Variants in WDR90 observed in about 807,000 individuals in gnomAD.
WDR90 encodes WD repeat-containing protein 90.
A neutral mutation model predicts 195.2 loss-of-function variants in WDR90; 238 were observed. The observed-to-expected ratio is 1.22, with a 90% confidence interval of 1.10 to 1.36. WDR90 has a LOEUF of 1.36. Ranked by LOEUF, WDR90 falls within the 40% of genes most tolerant of loss-of-function variation. WDR90 has a pLI of 0.00. For synonymous variants in WDR90, 1,265 were observed against 1,052.4 expected (o/e 1.20, Z -3.91); for missense variants, 2,734 against 2,439.5 (o/e 1.12, Z -2.54).
chr16:652,587 G>C, intron 10 of WDR90, 52 bp downstream of exon 10: 1 of 1,548,678 alleles, frequency 6.5e-7, no homozygotes, highest in Non-Finnish European at 8.8e-7. Context: ...CGGCTCGAGC[G>C]CTGAGTACAG....
intron 4 of WDR90, 78 bp from the exon 5 acceptor site, chr16:650,461 C>G (rs555600461): frequency 1.3e-6 from 2 of 1,583,068 alleles, no homozygotes; most frequent in African/African-American, 1.3e-5. Flanking sequence ...GACAACCTGG[C>G]GGGGGCACAA....
rs537587974 is a variant in WDR90 at position 652,105 on chromosome 16, C to T, written c.1053+66C>T. On this transcript the variant is annotated intron_variant, in intron 9 of 40. Coordinates refer to ENST00000293879, the MANE Select transcript of WDR90 (RefSeq NM_145294.5). ...TGGGCTGGGGCAGCTGGTAGCCCGC[C>T]CCGAGATGCATTCAGAACGGATGTG... 4.6e-4 allele frequency: 689 copies of T among 1,489,444 alleles called. 14 individuals carry two copies. In the South Asian group the frequency reaches 8.1e-3, roughly 18 times the overall value. 92.3% of individuals were successfully genotyped at this position (1,489,444 alleles called of 1,614,324 possible).
intron 34 of WDR90, chr16:663,502 G>A (rs886161189): frequency 5.0e-6 from 1 of 200,306 alleles, no homozygotes; most frequent in African/African-American, 2.4e-5. Context: ...TGGCTTTGCT[G>A]ACTCAGTCTC....
At position 649,764 on chromosome 16, in the gene WDR90, G is replaced by C. The variant is rs994459521; in HGVS notation, c.12G>C (p.Ala4=). The C allele has an allele frequency of 3.2e-6, 5 of 1,556,134 alleles. No individual in the cohort carries two copies. Among genetic ancestry groups the C allele is most frequent in the Non-Finnish European group, 4.3e-6 (5 of 1,150,842 alleles). Residue 4 remains alanine (A), a splice_region_variant and synonymous_variant, in exon 2 of 41, where the codon GCG becomes GCC. Coordinates refer to ENST00000293879, the MANE Select transcript of WDR90 (RefSeq NM_145294.5). The part of the protein sequence containing the change: MAR[A]WQHPFLNVFR... Reference sequence around the variant, plus strand: ...ACGCCCGGCGCCCGCTCCCCGCAGCGTGGCAGCACCCGTTCCTCAACGTCT... The same window carrying C: ...ACGCCCGGCGCCCGCTCCCCGCAGCCTGGCAGCACCCGTTCCTCAACGTCT...
Position 665,242 on chromosome 16 carries a change from ACGGC to A in WDR90, c.4312-435_4312-432del, listed in dbSNP as rs1567223340. On this transcript the variant is annotated intron_variant, in intron 34 of 40. Coordinates refer to ENST00000293879, the MANE Select transcript of WDR90 (RefSeq NM_145294.5). ...TCAGTCTGCAGCCTGCTAGGGACGC[ACGGC>A]CACACTCCTGTCTTTCAGCCTCAGT... The A allele has an allele frequency of 6.7e-4, 232 of 345,304 alleles. 5 individuals carry two copies. Among genetic ancestry groups the A allele is most frequent in the African/African-American group, 4.8e-3 (220 of 46,174 alleles). 21.4% of individuals were successfully genotyped at this position (345,304 alleles called of 1,614,324 possible).
chr16:665,644 G>A lies in WDR90; in HGVS notation c.4312-35G>A, dbSNP rs773008496. The A allele has an allele frequency of 3.7e-6, 6 of 1,612,140 alleles. No individual in the cohort carries two copies. The South Asian group carries it at 4.4e-5, about 12-fold the overall frequency. Reference sequence around the variant, plus strand: ...CTGCGTCCCTTTACCCTGCCCAGGGGCCAACACCCCCAGCCTAGCTACGGC... The same window carrying A: ...CTGCGTCCCTTTACCCTGCCCAGGGACCAACACCCCCAGCCTAGCTACGGC... On this transcript the variant is annotated intron_variant, in intron 34 of 40. Coordinates refer to ENST00000293879, the MANE Select transcript of WDR90 (RefSeq NM_145294.5).
chr16:649,272 G>A (rs1171780842), upstream of WDR90: 27 of 958,932 alleles, frequency 2.8e-5, no homozygotes, highest in East Asian at 3.0e-4. Flanking sequence ...TCCCACCGGG[G>A]AGGTCACGTG....
Position 665,965 on chromosome 16 carries a change from G to A in WDR90, c.4450G>A (p.Ala1484Thr). ...QVLNQSCLCL[A>T]WSPPCCGRPE... ...GGGTCCCCAGAGCTGCCTCTGCCTG[G>A]CATGGAGCCCCCCGTGCTGTGGCCG... Residue 1484 changes from alanine to threonine, a missense_variant, in exon 36 of 41, where the codon GCA (alanine) becomes ACA (threonine). Physicochemically the swap from Ala to Thr is moderately conservative, Grantham distance 58 (BLOSUM62 0). Coordinates refer to ENST00000293879, the MANE Select transcript of WDR90 (RefSeq NM_145294.5). 1 of 1,591,530 alleles carries A rather than the reference G, an allele frequency of 6.3e-7. No homozygotes were observed. The highest frequency in any genetic ancestry group is 8.5e-7 in the Non-Finnish European group (1 of 1,171,106).
rs756137118 is a variant in WDR90, at chr16:659,288, C to T, written c.3096C>T (p.Ser1032=). Residue 1032 remains serine (S), a synonymous_variant, in exon 26 of 41, where the codon AGC becomes AGT. Coordinates refer to ENST00000293879, the MANE Select transcript of WDR90 (RefSeq NM_145294.5). The part of the protein sequence containing the change: ...GPLEDAASRA[S]ELPRQQVPKP... ...TGGAGGACGCAGCGTCCAGGGCCAG[C>T]GAGCTCCCCCGGCAGCAGGTCCCCA... 1.2e-5 allele frequency: 20 copies of T among 1,603,984 alleles called. 2 individuals carry two copies. Among genetic ancestry groups the T allele is most frequent in the Middle Eastern group, 1.6e-4 (1 of 6,068 alleles).
In WDR90 at chr16:667,745, CCT is replaced by C. The variant is rs2038153891; in HGVS notation, c.*157_*158del. On this transcript the variant is annotated 3_prime_UTR_variant, in exon 41 of 41. Transcript: ENST00000293879. ...GAGCAAGCTGTTGTAAATTTGGCGC[CCT>C]GTGAATACTTTCATACCTGTTGCCC... 4 of 1,089,940 alleles carry C rather than the reference CCT, an allele frequency of 3.7e-6. No homozygotes were observed. The highest frequency in any genetic ancestry group is 5.4e-6 in the Non-Finnish European group (4 of 742,134). The allele number at this position is 1,089,940 out of a possible 1,614,324, so 67.5% of individuals were successfully genotyped here.
At chr16:655,976 G>C (rs1002362554) in intron 17 of WDR90, 87 bp downstream of exon 17, 4 of 1,433,376 alleles carry the variant, frequency 2.8e-6, no homozygotes, top group Non-Finnish European at 3.8e-6. Context: ...GGGCTCTGCT[G>C]TCAGCCGCCC....
chr16:662,601 T>C, intron 33 of WDR90, 78 bp from the exon 34 acceptor site: 1 of 1,503,854 alleles, frequency 6.6e-7, no homozygotes, highest in South Asian at 1.3e-5. Flanking sequence ...GGGCCCTGCC[T>C]CGGCTGGGGA....
At position 666,305 on chromosome 16, in the gene WDR90, C is replaced by T; in HGVS notation, c.4695C>T (p.Asp1565=). The T allele has an allele frequency of 6.2e-7, 1 of 1,612,752 alleles. No homozygotes were observed. Among genetic ancestry groups the T allele is most frequent in the Middle Eastern group, 1.6e-4 (1 of 6,062 alleles). Residue 1565 remains aspartate (D), a synonymous_variant, in exon 37 of 41, where the codon GAC becomes GAT. Coordinates refer to ENST00000293879, the MANE Select transcript of WDR90 (RefSeq NM_145294.5). ...CTGTTFRVLS[D]HQGAPISTIC... is the part of the protein sequence containing the mutation. ...GGACAACCTTCCGTGTGCTGAGTGA[C>T]CACCAGGGCGCCCCAATCTCTACCA... is the stretch of plus-strand genomic sequence containing the variant.
rs752179104 is a variant in WDR90 at position 655,176 on chromosome 16, G to A, written c.1556+29G>A. 7 of 1,612,402 alleles carry A rather than the reference G, an allele frequency of 4.3e-6. No individual in the cohort carries two copies. In the East Asian group the frequency reaches 1.3e-4, roughly 31 times the overall value. ...ATGCAGCCGCCCATCCACGATGTTG[G>A]GAGAGGGTCTGGGCCCGGAGTGGGG... On this transcript the variant is annotated intron_variant, in intron 14 of 40. Transcript: ENST00000293879.
chr16:652,490 G>C lies in WDR90; in HGVS notation c.1077G>C (p.Leu359=). 6.2e-7 allele frequency: 1 copy of C among 1,610,592 alleles called. No homozygotes were observed. The highest frequency in any genetic ancestry group is 8.5e-7 in the Non-Finnish European group (1 of 1,178,176). The change falls in exon 10 of 41, where the codon CTG becomes CTC. Residue 359 remains leucine (L), a synonymous_variant. Transcript: ENST00000293879. ...AGGGCTTCCTCCCAGACCCAGTCCT[G>C]AGGCTCAAGGGCGTCATCGGCTTTG... ...SCEGFLPDPV[L]RLKGVIGFGG...
chr16:657,713 G>C (rs758573804), intron 20 of WDR90, 49 bp from the exon 21 acceptor site: 1 of 1,484,808 alleles, frequency 6.7e-7, no homozygotes, highest in Middle Eastern at 2.2e-4. Flanking sequence ...CTGGCCACGC[G>C]CACCCCGGCA....
At position 659,353 on chromosome 16, in the gene WDR90, C is replaced by T. The variant is rs2037841449; in HGVS notation, c.3161C>T (p.Ala1054Val). 1.3e-6 allele frequency: 2 copies of T among 1,593,134 alleles called. No individual in the cohort carries two copies. Among genetic ancestry groups the T allele is most frequent in the Non-Finnish European group, 1.7e-6 (2 of 1,171,020 alleles). ...QASPPRLGVCARPPEGGDGAR... is the reference protein window; with the variant it reads ...QASPPRLGVCVRPPEGGDGAR... The stretch of plus-strand genomic sequence containing the variant: ...TCTCCACCACGGCTGGGCGTCTGTG[C>T]CAGGCCTCCCGAAGGTGGCGATGGT... The change falls in exon 26 of 41, where the codon GCC becomes GTC. Residue 1054 changes from alanine (A) to valine (V), a missense_variant. Ala to Val is a moderately conservative substitution (Grantham distance 64). Transcript: ENST00000293879.
At chr16:659,413 G>A (rs368336824) in intron 26 of WDR90, 37 bp downstream of exon 26, 65 of 1,577,794 alleles carry the variant, frequency 4.1e-5, no homozygotes, top group South Asian at 3.7e-4. Flanking sequence ...GGGGGGATTC[G>A]GGGGTCTGAG....
rs538024313 is a variant in WDR90, at chr16:654,774, C to T, written c.1438-255C>T. On this transcript the variant is annotated intron_variant, in intron 13 of 40. Coordinates refer to ENST00000293879, the MANE Select transcript of WDR90 (RefSeq NM_145294.5). Reference sequence around the variant, plus strand: ...CACGAGCTGCTTTTTATCCACCTTCCGGCTTGCGGGGGGGTTTGTACTTCT... The same window carrying T: ...CACGAGCTGCTTTTTATCCACCTTCTGGCTTGCGGGGGGGTTTGTACTTCT... The T allele has an allele frequency of 2.0e-3, 1,069 of 523,242 alleles. 8 individuals carry two copies. The highest frequency in any genetic ancestry group is 1.7e-3 in the Non-Finnish European group (496 of 290,550). The allele number at this position is 523,242 out of a possible 1,614,324, so 32.4% of individuals were successfully genotyped here. A position where few individuals can be genotyped will look rare whatever the true frequency, so the allele number is the denominator to read the frequency against.
Sources: allele counts gnomAD v4.1 joint callset, GRCh38; gene constraint gnomAD v4.1.1; transcripts MANE v1.5; gene names NCBI Gene and HGNC (gene_info 2026-07-23, HGNC 2026-07-21).